GSE1: variants seen among roughly 807,000 people sequenced by gnomAD.
GSE1 encodes the protein genetic suppressor element 1.
Under a neutral mutation model 112.6 loss-of-function variants are expected in GSE1, and 32 were observed. That is an observed-to-expected ratio of 0.28 (90% CI 0.21 to 0.38). The LOEUF is 0.38. Among genes scored for constraint, GSE1 ranks in the 10% least tolerant of loss-of-function variants. The pLI, the probability that GSE1 is intolerant of heterozygous loss-of-function variation, is 1.00. For missense variants in GSE1, 2,348 were observed against 1,699.2 expected, an observed-to-expected ratio of 1.38 and a Z score of -6.71; for synonymous variants, 1,115 against 735.6, an observed-to-expected ratio of 1.52 and a Z score of -8.35.
chr16:85,538,701 G>A (rs1450994017), intron 2 of GSE1, among the ~76,000 whole-genome samples: 1 of 152,158 alleles, frequency 6.6e-6, no homozygotes, highest in Non-Finnish European at 1.5e-5. Flanking sequence ...CTGCTTGCAG[G>A]GAGGAGGTCA....
At chr16:85,287,955 A>G (rs916621639) in intron 1 of GSE1, among the ~76,000 whole-genome samples, 1 of 152,040 alleles carries the variant, frequency 6.6e-6, no homozygotes, top group African/African-American at 2.4e-5. Context: ...AATAAGCGCT[A>G]TTGGCCGGGC....
intron 2 of GSE1, among the ~76,000 whole-genome samples, chr16:85,427,724 C>T (rs1382250167): frequency 1.3e-5 from 2 of 151,972 alleles, no homozygotes; most frequent in African/African-American, 4.8e-5. Context: ...CCCAGCTACT[C>T]AGGAAGCTGA....
At chr16:85,413,190 G>C (rs1188600553) in intron 2 of GSE1, among the ~76,000 whole-genome samples, 1 of 152,204 alleles carries the variant, frequency 6.6e-6, no homozygotes. Context: ...CTCCCATCCG[G>C]GCAGCGGCCG....
At position 85,518,609 on chromosome 16, in the gene GSE1, A is replaced by C. The variant is rs548737511; in HGVS notation, c.2465-115305A>C. On this transcript the variant is annotated intron_variant, in intron 2 of 2. Transcript: ENST00000637419. ...CTGAGATTCAGTTTCCCCAGCTGTA[A>C]AATGGGGACAGCAGCGCCTCAGTGC... 2.0e-5 allele frequency among the ~76,000 whole-genome samples: 3 copies of C among 152,216 alleles called. No individual in the cohort carries two copies. The South Asian group carries it at 6.2e-4, about 32-fold the overall frequency.
At chr16:85,514,427 C>G (rs1247914324) in intron 2 of GSE1, among the ~76,000 whole-genome samples, 5 of 69,228 alleles carry the variant, frequency 7.2e-5, no homozygotes, top group Admixed American at 2.8e-4. Context: ...GCTCTCGAGT[C>G]CCCCCCCCCA....
intron 2 of GSE1, among the ~76,000 whole-genome samples, chr16:85,472,224 T>C (rs2050317051): frequency 6.6e-6 from 1 of 152,200 alleles, no homozygotes; most frequent in Non-Finnish European, 1.5e-5. Flanking sequence ...ATAAACTGGG[T>C]AGCCTAAAAC....
chr16:85,638,675 C>A (rs900093598), intron 2 of GSE1, among the ~76,000 whole-genome samples: 3 of 149,292 alleles, frequency 2.0e-5, no homozygotes, highest in Non-Finnish European at 4.5e-5. Flanking sequence ...CCCTGCCCCC[C>A]ACCCTAATGC....
At chr16:85,342,659 G>C (rs1367095474) in intron 1 of GSE1, among the ~76,000 whole-genome samples, 1 of 152,140 alleles carries the variant, frequency 6.6e-6, no homozygotes, top group Non-Finnish European at 1.5e-5. Context: ...TCATCTTCAG[G>C]CTGTCTGACG....
At chr16:85,211,309 T>G (rs907401841) in intron 1 of GSE1, among the ~76,000 whole-genome samples, 4 of 151,642 alleles carry the variant, frequency 2.6e-5, no homozygotes, top group East Asian at 2.0e-4. Flanking sequence ...GTTTTTTTTT[T>G]TTGTTTTTTT....
upstream of GSE1, chr16:85,555,034 G>T: frequency 2.0e-6 from 2 of 985,348 alleles, no homozygotes; most frequent in Non-Finnish European, 2.4e-6. Flanking sequence ...GGGGAAGCTC[G>T]CAAGTGAAAC....
chr16:85,329,618 A>G (rs761836672), intron 1 of GSE1, among the ~76,000 whole-genome samples: 5 of 151,826 alleles, frequency 3.3e-5, no homozygotes, highest in Non-Finnish European at 7.4e-5. Context: ...AGAGGGCAGG[A>G]GAAGGTTCGC....
At chr16:85,479,410 C>G (rs924915205) in intron 2 of GSE1, among the ~76,000 whole-genome samples, 1 of 151,700 alleles carries the variant, frequency 6.6e-6, no homozygotes, top group Non-Finnish European at 1.5e-5. Flanking sequence ...CTCAGGTGAT[C>G]TGCACGTCTC....
chr16:85,291,222 C>T (rs2045201320), intron 1 of GSE1, among the ~76,000 whole-genome samples: 1 of 152,202 alleles, frequency 6.6e-6, no homozygotes, highest in South Asian at 2.1e-4. Flanking sequence ...CAGATCCAAG[C>T]TGAGGTCTCC....
chr16:85,326,711 C>T (rs2046234611), intron 1 of GSE1, among the ~76,000 whole-genome samples: 1 of 152,210 alleles, frequency 6.6e-6, no homozygotes, highest in Non-Finnish European at 1.5e-5. Flanking sequence ...TTCGCCATAG[C>T]AGCGTGAGAA....
rs147200348 is a variant in GSE1, at chr16:85,444,675, T to C, written c.2464+87032T>C. On this transcript the variant is annotated intron_variant, in intron 2 of 2. Transcript: ENST00000637419. ...AACCCTCTCCATGCATGTGCACACA[T>C]GCACACGTGCACACACGCTATAGCC... Among the ~76,000 whole-genome samples, 337 of 152,192 alleles carry C rather than the reference T, an allele frequency of 2.2e-3. 1 individual carries two copies. The highest frequency in any genetic ancestry group is 7.8e-3 in the African/African-American group (322 of 41,512).
intron 1 of GSE1, among the ~76,000 whole-genome samples, chr16:85,323,766 G>T (rs978498758): frequency 6.6e-6 from 1 of 152,202 alleles, no homozygotes; most frequent in East Asian, 1.9e-4. Flanking sequence ...TGACTTCCAC[G>T]CTCCCCCATT....
intron 2 of GSE1, among the ~76,000 whole-genome samples, chr16:85,452,736 G>A (rs1381203355): frequency 6.7e-6 from 1 of 149,916 alleles, no homozygotes; most frequent in East Asian, 1.9e-4. Flanking sequence ...GGTCCTGGGA[G>A]AGAGACCCCT....
chr16:85,504,481 C>G (rs569190107), intron 2 of GSE1, among the ~76,000 whole-genome samples: 11 of 152,310 alleles, frequency 7.2e-5, no homozygotes, highest in African/African-American at 2.4e-4. Context: ...CACCAGCCAC[C>G]TGATGGCTAT....
At position 85,648,583 on chromosome 16, in the gene GSE1, G is replaced by T; in HGVS notation, c.258G>T (p.Val86=). The part of the protein sequence containing the change: ...GSSLSSESSP[V]SSPATNHSSP... ...CACTGAGCAGCGAGTCGTCCCCCGT[G>T]TCCTCTCCGGCCACCAACCACAGCT... Residue 86 remains valine (V), a synonymous_variant, in exon 3 of 16, where the codon GTG becomes GTT. Coordinates refer to ENST00000253458, the MANE Select transcript of GSE1 (RefSeq NM_014615.5). The T allele has an allele frequency of 6.3e-7, 1 of 1,599,514 alleles. No individual in the cohort carries two copies. Among genetic ancestry groups the T allele is most frequent in the Non-Finnish European group, 8.5e-7 (1 of 1,173,122 alleles).
Sources: allele counts gnomAD v4.1 joint callset (sites outside exome capture counted in the v4.1 genomes callset), GRCh38; gene constraint gnomAD v4.1.1; transcripts MANE v1.5; gene names NCBI Gene and HGNC (gene_info 2026-07-23, HGNC 2026-07-21).